SDK1: variants seen among roughly 807,000 people sequenced by gnomAD.
SDK1 encodes sidekick cell adhesion molecule 1.
SDK1 carries 157 observed loss-of-function variants against 245.5 expected under a neutral mutation model. The ratio of observed to expected loss-of-function variants is 0.64; its 90% confidence interval spans 0.56 to 0.73. The LOEUF is 0.73. Among genes scored for constraint, SDK1 ranks in the 30% least tolerant of loss-of-function variants. SDK1 has a pLI of 0.00. For missense variants in SDK1, 3,583 were observed against 3,002.3 expected (o/e 1.19, Z -4.52); for synonymous variants, 1,647 against 1,278.5 (o/e 1.29, Z -6.15).
intron 4 of SDK1, among the ~76,000 whole-genome samples, chr7:3,673,426 A>G (rs900052121): frequency 1.6e-4 from 25 of 152,204 alleles, no homozygotes; most frequent in Non-Finnish European, 7.3e-5. Context: ...TCCTTTTAGT[A>G]TACTCTCTAT....
chr7:3,713,970 C>G (rs1482892146), intron 4 of SDK1, among the ~76,000 whole-genome samples: 1 of 152,162 alleles, frequency 6.6e-6, no homozygotes, highest in African/African-American at 2.4e-5. Context: ...GCACCTCAGA[C>G]CCTAATTCAA....
At chr7:3,997,938 C>T (rs1018940170) in intron 14 of SDK1, among the ~76,000 whole-genome samples, 4 of 152,238 alleles carry the variant, frequency 2.6e-5, no homozygotes, top group Non-Finnish European at 5.9e-5. Flanking sequence ...GCAGTGAGAG[C>T]AGGCACTTCC....
intron 4 of SDK1, among the ~76,000 whole-genome samples, chr7:3,782,829 C>CT (rs1780785600): frequency 6.6e-6 from 1 of 152,142 alleles, no homozygotes; most frequent in Admixed American, 6.6e-5. Flanking sequence ...CTAAGTTGAA[C>CT]TTTTATAAGT....
At chr7:3,385,428 TAAAA>T (rs569945360) in intron 1 of SDK1, among the ~76,000 whole-genome samples, 2 of 152,168 alleles carry the variant, frequency 1.3e-5, no homozygotes, top group South Asian at 2.1e-4. Flanking sequence ...GTAATGAACA[TAAAA>T]AAATATATTT....
intron 1 of SDK1, among the ~76,000 whole-genome samples, chr7:3,511,482 G>C (rs529962630): frequency 2.6e-5 from 4 of 152,120 alleles, no homozygotes; most frequent in African/African-American, 4.8e-5. Context: ...AAATTTTCCT[G>C]TTTAATGAAC....
chr7:3,651,293 T>C (rs760473656), intron 4 of SDK1, among the ~76,000 whole-genome samples: 2 of 152,204 alleles, frequency 1.3e-5, no homozygotes, highest in South Asian at 4.1e-4. Flanking sequence ...TATAATGATA[T>C]CTTCTTGTGT....
intron 4 of SDK1, among the ~76,000 whole-genome samples, chr7:3,801,911 C>G (rs886786550): frequency 6.6e-6 from 1 of 152,324 alleles, no homozygotes; most frequent in African/African-American, 2.4e-5. Context: ...CTCTGCTGAC[C>G]AGCTGGAGGA....
chr7:3,307,022 A>G (rs1779433140), intron 1 of SDK1, among the ~76,000 whole-genome samples: 1 of 152,192 alleles, frequency 6.6e-6, no homozygotes, highest in African/African-American at 2.4e-5. Flanking sequence ...GGGAATGAAA[A>G]TCACATTGAA....
Position 4,132,351 on chromosome 7 carries a change from T to C in SDK1, c.4156T>C (p.Phe1386Leu). ...DAPGPPVRLV[F>L]PEVRLTSVRI... ...CCCAGGCCCACCAGTGAGGCTCGTG[T>C]TCCCCGAAGTGAGACTCACCTCCGT... Residue 1386 changes from phenylalanine (F) to leucine (L), a missense_variant, in exon 28 of 45, where the codon TTC becomes CTC. Coordinates refer to ENST00000404826, the MANE Select transcript of SDK1 (RefSeq NM_152744.4). 1 of 1,612,464 alleles carries C rather than the reference T, an allele frequency of 6.2e-7. No homozygotes were observed. The highest frequency in any genetic ancestry group is 8.5e-7 in the Non-Finnish European group (1 of 1,178,912).
chr7:3,986,766 C>T (rs1783875712), intron 13 of SDK1, among the ~76,000 whole-genome samples: 1 of 152,162 alleles, frequency 6.6e-6, no homozygotes, highest in South Asian at 2.1e-4. Context: ...GAGACTGAGG[C>T]AGAGAATTGC....
intron 1 of SDK1, among the ~76,000 whole-genome samples, chr7:3,425,077 C>G (rs1341217173): frequency 6.7e-6 from 1 of 149,984 alleles, no homozygotes; most frequent in Admixed American, 6.7e-5. Context: ...ATCTTGAGGC[C>G]TATGTTTTTT....
chr7:3,903,966 TC>T (rs1313942165), intron 5 of SDK1, among the ~76,000 whole-genome samples: 2 of 152,228 alleles, frequency 1.3e-5, no homozygotes, highest in African/African-American at 4.8e-5. Flanking sequence ...AGACACCCCT[TC>T]CCCTTCCACC....
intron 1 of SDK1, among the ~76,000 whole-genome samples, chr7:3,451,533 C>T (rs1005234948): frequency 4.0e-5 from 6 of 151,538 alleles, no homozygotes; most frequent in Admixed American, 2.0e-4. Context: ...ATCAAAATGA[C>T]GTCAGTGTTA....
intron 4 of SDK1, among the ~76,000 whole-genome samples, chr7:3,818,229 ATCTC>A (rs1486058558): frequency 2.0e-5 from 3 of 152,102 alleles, no homozygotes; most frequent in Non-Finnish European, 2.9e-5. Flanking sequence ...TTAAAGGAAA[ATCTC>A]TCAGGCCAAA....
intron 17 of SDK1, among the ~76,000 whole-genome samples, chr7:4,024,944 C>T (rs1161140878): frequency 6.6e-6 from 1 of 151,984 alleles, no homozygotes; most frequent in African/African-American, 2.4e-5. Flanking sequence ...ACTCTGCCGC[C>T]GTAGAGGGTG....
chr7:4,210,243 T>C (rs1001805838), intron 38 of SDK1, 81 bp downstream of exon 38: 57 of 1,289,800 alleles, frequency 4.4e-5, no homozygotes, highest in Non-Finnish European at 5.3e-5. Flanking sequence ...GAGCCGCACC[T>C]GACCGCTTCT....
intron 4 of SDK1, among the ~76,000 whole-genome samples, chr7:3,671,488 C>A (rs1383024546): frequency 6.6e-6 from 1 of 152,116 alleles, no homozygotes; most frequent in Non-Finnish European, 1.5e-5. Context: ...TATTATGATT[C>A]CTAATTTGTA....
At chr7:4,064,988 A>G (rs955008726) in intron 19 of SDK1, among the ~76,000 whole-genome samples, 6 of 152,174 alleles carry the variant, frequency 3.9e-5, no homozygotes, top group South Asian at 4.1e-4. Context: ...GTAAGTTCCA[A>G]TGCTCCGTGG....
chr7:4,147,611 A>G (rs1379193359), intron 29 of SDK1, among the ~76,000 whole-genome samples: 5 of 151,974 alleles, frequency 3.3e-5, no homozygotes, highest in Admixed American at 3.3e-4. Context: ...TGTGACCATT[A>G]CCACTATCAT....
Sources: gnomAD v4.1 joint callset for allele counts (sites outside exome capture counted in the v4.1 genomes callset) on GRCh38, gnomAD v4.1.1 for gene constraint, MANE v1.5 for transcripts, NCBI Gene and HGNC (gene_info 2026-07-23, HGNC 2026-07-21) for gene names.